NUMA1: variants seen among roughly 807,000 people sequenced by gnomAD.
The protein encoded by NUMA1 is nuclear mitotic apparatus protein 1, also known as SP-H antigen.
In NUMA1, 62 loss-of-function variants were observed where a neutral mutation model predicts 237.1. The observed-to-expected ratio is 0.26, with a 90% CI of 0.21 to 0.32. NUMA1 has a LOEUF of 0.32. Among genes scored for constraint, NUMA1 ranks in the 10% least tolerant of loss-of-function variants. The pLI is 1.00. For synonymous variants in NUMA1, 1,028 were observed against 1,066.1 expected, an observed-to-expected ratio of 0.96 and a Z score of 0.70; for missense variants, 2,533 against 2,666.5, an observed-to-expected ratio of 0.95 and a Z score of 1.10.
At chr11:72,034,376 C>T (rs1192587325) in intron 3 of NUMA1, among the ~76,000 whole-genome samples, 1 of 151,864 alleles carries the variant, frequency 6.6e-6, no homozygotes, top group Non-Finnish European at 1.5e-5. Context: ...GAAATTAGAA[C>T]TTTATGAGGT....
intron 2 of NUMA1, among the ~76,000 whole-genome samples, chr11:72,038,264 G>A (rs2135774578): frequency 6.6e-6 from 1 of 152,258 alleles, no homozygotes; most frequent in African/African-American, 2.4e-5. Flanking sequence ...TCATCTCAGA[G>A]GCAAAACATA....
At chr11:72,056,690 G>A (rs1375505925) in intron 2 of NUMA1, among the ~76,000 whole-genome samples, 4 of 120,952 alleles carry the variant, frequency 3.3e-5, no homozygotes, top group African/African-American at 6.3e-5. Flanking sequence ...CAAAACTCAG[G>A]AACACTAAGT....
chr11:72,012,274 C>G (rs2134849718), intron 16 of NUMA1, 127 bp downstream of exon 16: 2 of 889,400 alleles, frequency 2.2e-6, no homozygotes, highest in Non-Finnish European at 1.8e-6. Context: ...GATTCCATGG[C>G]TTGACCCTGC....
chr11:72,035,920 C>T lies in NUMA1; in HGVS notation c.24G>A (p.Gly8=). The T allele has an allele frequency of 6.2e-7, 1 of 1,614,004 alleles. No individual in the cohort carries two copies. The highest frequency in any genetic ancestry group is 2.2e-5 in the East Asian group (1 of 44,884). MTLHATR[G]AALLSWVNSL... is the part of the protein sequence containing the mutation. ...TACTTACCCAAGAGAGGAGTGCAGC[C>T]CCCCGGGTGGCGTGGAGTGTCATCT... Residue 8 remains glycine, a synonymous_variant, in exon 3 of 27, where the codon GGG becomes GGA. Coordinates refer to ENST00000393695, the MANE Select transcript of NUMA1 (RefSeq NM_006185.4).
chr11:72,005,203 G>A, intron 23 of NUMA1, 30 bp downstream of exon 23: 1 of 1,542,716 alleles, frequency 6.5e-7, no homozygotes, highest in Non-Finnish European at 8.7e-7. Context: ...GCAGGGATGG[G>A]AGGCCCTGCA....
At chr11:72,041,184 CG>C (rs1941628386) in intron 2 of NUMA1, 1 of 151,856 alleles carries the variant, frequency 6.6e-6, no homozygotes, top group Admixed American at 6.6e-5. Flanking sequence ...CAAGCTTCCC[CG>C]ATCTGGGAGC....
chr11:72,057,329 C>T (rs1019307660), intron 2 of NUMA1, among the ~76,000 whole-genome samples: 3 of 152,216 alleles, frequency 2.0e-5, no homozygotes, highest in Non-Finnish European at 4.4e-5. Flanking sequence ...TGCCACTACC[C>T]AGATGCCTCC....
Position 72,047,357 on chromosome 11 carries a change from G to A in NUMA1, c.-32-11382C>T, listed in dbSNP as rs143051421. ...AAAAGAATTAGCCAGACATGGTGGT[G>A]TGTGCCTGTAGTCCTAGCTACTCAG... is the stretch of plus-strand genomic sequence containing the variant. On this transcript the variant is annotated intron_variant, in intron 2 of 26. Transcript: ENST00000393695. 6.6e-3 allele frequency among the ~76,000 whole-genome samples: 1,011 copies of A among 152,130 alleles called. 12 individuals carry two copies. Among genetic ancestry groups the A allele is most frequent in the African/African-American group, 0.023 (955 of 41,500 alleles).
chr11:72,047,308 G>A (rs746649736), intron 2 of NUMA1, among the ~76,000 whole-genome samples: 22 of 152,030 alleles, frequency 1.4e-4, no homozygotes, highest in Middle Eastern at 3.4e-3. Context: ...GTAACATAGC[G>A]AGATCCCCAT....
At chr11:72,033,212 A>G (rs1163937008) in intron 3 of NUMA1, among the ~76,000 whole-genome samples, 1 of 152,088 alleles carries the variant, frequency 6.6e-6, no homozygotes, top group Non-Finnish European at 1.5e-5. Flanking sequence ...TGCAGCAGCT[A>G]TTTACAGATG....
chr11:72,008,772 T>C lies in NUMA1; in HGVS notation c.5132A>G (p.Glu1711Gly). The change falls in exon 20 of 27, where the codon GAG (glutamate) becomes GGG (glycine). Residue 1711 changes from glutamate (E) to glycine (G), a missense_variant. Physicochemically the swap from Glu to Gly is moderately conservative, Grantham distance 98 (BLOSUM62 -2). This residue lies in a region of NUMA1 where 795 missense variants were observed against 750.8 expected (regional missense o/e 1.06). Transcript: ENST00000393695. ...QVATDALKSR[E>G]PQAKPQLDLS... is the part of the protein sequence containing the mutation. ...GTCCAGCTGGGGCTTAGCCTGGGGC[T>C]CACGGCTCTTTAAAGCATCAGTTGC... 1.2e-6 allele frequency: 2 copies of C among 1,614,118 alleles called. No homozygotes were observed. Among genetic ancestry groups the C allele is most frequent in the Non-Finnish European group, 1.7e-6 (2 of 1,180,024 alleles).
chr11:72,063,207 G>C (rs3133233), intron 2 of NUMA1, among the ~76,000 whole-genome samples: 134,213 of 151,630 alleles, frequency 0.89, 59,673 homozygotes, highest in Non-Finnish European at 0.94. Flanking sequence ...AACATAGTGA[G>C]ACCTCATCTC....
At chr11:72,054,723 T>A (rs1442982168) in intron 2 of NUMA1, among the ~76,000 whole-genome samples, 1 of 152,122 alleles carries the variant, frequency 6.6e-6, no homozygotes, top group South Asian at 2.1e-4. Flanking sequence ...AGTTTGAGAG[T>A]TAGGTCTTAG....
rs777058397 is a variant in NUMA1 at position 72,006,140 on chromosome 11, G to T, written c.5587C>A (p.Pro1863Thr). 1 of 1,614,188 alleles carries T rather than the reference G, an allele frequency of 6.2e-7. No homozygotes were observed. The highest frequency in any genetic ancestry group is 8.5e-7 in the Non-Finnish European group (1 of 1,180,038). The change falls in exon 22 of 27, where the codon CCC (proline) becomes ACC (threonine). Residue 1863 changes from proline to threonine, a missense_variant. Physicochemically the swap from Pro to Thr is conservative, Grantham distance 38 (BLOSUM62 -1). Around this residue, in one of 3 missense-constraint regions of NUMA1, gnomAD observed 795 missense variants for 750.8 expected, o/e 1.06. Transcript: ENST00000393695. ...AGCAGGGCTGAGTTGCCATAATCGG[G>T]AGAACCCAGGCGAGCTAGAGACTGA... is the stretch of plus-strand genomic sequence containing the variant. ...STQSLARLGSPDYGNSALLSL... is the reference protein window; with the variant it reads ...STQSLARLGSTDYGNSALLSL...
chr11:72,014,940 TCTC>T lies in NUMA1; in HGVS notation c.2560_2562del (p.Glu854del). On this transcript the variant is annotated inframe_deletion, in exon 15 of 27. Coordinates refer to ENST00000393695, the MANE Select transcript of NUMA1 (RefSeq NM_006185.4). This position sits in a 1 kb window ranked among gnomAD's most constrained non-coding sequence, Gnocchi z 4.6. ...CTGTGGGATTCTATGCCTGCCACCT[TCTC>T]CTTTGCCTCCTGCAGCTCCTGGCGG... 1 of 1,614,152 alleles carries T rather than the reference TCTC, an allele frequency of 6.2e-7. No individual in the cohort carries two copies. The highest frequency in any genetic ancestry group is 1.1e-5 in the South Asian group (1 of 91,088).
rs1291090135 is a variant in NUMA1, at chr11:72,003,545, G to A, written c.6337-7C>T. On this transcript the variant is annotated splice_polypyrimidine_tract_variant and splice_region_variant and intron_variant, in intron 26 of 26. Coordinates refer to ENST00000393695, the MANE Select transcript of NUMA1 (RefSeq NM_006185.4). ...TGGCCCTTTAGTGCTTTGCCTGAAA[G>A]AGACACAGTCACATGGCCAGATGAG... The A allele has an allele frequency of 6.2e-7, 1 of 1,614,062 alleles. No individual in the cohort carries two copies. Among genetic ancestry groups the A allele is most frequent in the Non-Finnish European group, 8.5e-7 (1 of 1,180,020 alleles).
At chr11:72,043,449 A>G (rs1485586154) in intron 2 of NUMA1, among the ~76,000 whole-genome samples, 2 of 151,122 alleles carry the variant, frequency 1.3e-5, no homozygotes, top group Non-Finnish European at 2.9e-5. Context: ...TGTAACCTCA[A>G]ACTTCTGGGA....
At chr11:72,033,830 G>A (rs1940659208) in intron 3 of NUMA1, among the ~76,000 whole-genome samples, 1 of 152,088 alleles carries the variant, frequency 6.6e-6, no homozygotes, top group South Asian at 2.1e-4. Context: ...AGACCAGCCT[G>A]GGAAACATGG....
rs142208518 is a variant in NUMA1, at chr11:72,016,114, C to G, written c.1389G>C (p.Gln463His). ...GCAGGTCAGTGATCAGGCTAGACAG[C>G]TGCTGCTTTTCTTCTTCGAAGTGGC... ...ERGHFEEEKQ[Q>H]LSSLITDLQS... Residue 463 changes from glutamine (Q) to histidine (H), a missense_variant, in exon 15 of 27, where the codon CAG becomes CAC. Physicochemically the swap from Gln to His is conservative, Grantham distance 24 (BLOSUM62 0). Transcript: ENST00000393695. The G allele has an allele frequency of 5.9e-5, 95 of 1,614,036 alleles. 1 individual carries two copies. Among genetic ancestry groups the G allele is most frequent in the Middle Eastern group, 4.9e-4 (3 of 6,084 alleles).
Sources: allele counts gnomAD v4.1 joint callset (sites outside exome capture counted in the v4.1 genomes callset), GRCh38; gene constraint gnomAD v4.1.1; regional missense constraint gnomAD v4.1.1; non-coding constraint Gnocchi (gnomAD v3.1); transcripts MANE v1.5; gene names NCBI Gene and HGNC (gene_info 2026-07-23, HGNC 2026-07-21).